Variants in HERC2 observed in about 807,000 individuals in gnomAD.
The protein encoded by HERC2 is E3 ubiquitin-protein ligase HERC2.
In HERC2, 102 loss-of-function variants were observed where a neutral mutation model predicts 537.7. The observed-to-expected ratio is 0.19, with a 90% confidence interval of 0.16 to 0.22. The LOEUF (loss-of-function observed/expected upper bound fraction) is 0.22, where lower values mean the gene tolerates loss of function less well. Ranked by LOEUF, HERC2 falls within the 10% of genes least tolerant of loss-of-function variation. The probability of loss-of-function intolerance (pLI) is 1.00; values close to 1 mark genes in which losing one functional copy is unlikely to be tolerated. For synonymous variants in HERC2, 2,224 were observed against 2,466.2 expected, an observed-to-expected ratio of 0.90 and a Z score of 2.91; for missense variants, 4,236 against 6,198.2, an observed-to-expected ratio of 0.68 and a Z score of 10.63.
In HERC2 at chr15:28,238,106, A is replaced by G. The variant is rs372267451; in HGVS notation, c.3852+8T>C. The G allele has an allele frequency of 3.0e-5, 48 of 1,590,204 alleles. No individual in the cohort carries two copies. Among genetic ancestry groups the G allele is most frequent in the Non-Finnish European group, 3.4e-5 (40 of 1,160,084 alleles). On this transcript the variant is annotated splice_region_variant and intron_variant, in intron 25 of 92. Transcript: ENST00000261609. The stretch of plus-strand genomic sequence containing the variant: ...ATCCTCTGCATCACTCAAGGCATAC[A>G]GCCTCACCTCCAAATACTGGCCAAC...
At chr15:28,243,217 A>T (rs1166873748) in intron 23 of HERC2, among the ~76,000 whole-genome samples, 1 of 152,214 alleles carries the variant, frequency 6.6e-6, no homozygotes, top group Non-Finnish European at 1.5e-5. Context: ...CCATGGAAAA[A>T]AAGTGACATG....
chr15:28,230,282 A>G (rs1247662367), intron 31 of HERC2, 85 bp downstream of exon 31: 1 of 1,379,238 alleles, frequency 7.3e-7, no homozygotes, highest in Non-Finnish European at 1.0e-6. Flanking sequence ...CCCTCCCTCC[A>G]GATGCTCAGG....
intron 64 of HERC2, 108 bp from the exon 65 acceptor site, chr15:28,174,728 G>T: frequency 3.3e-6 from 3 of 910,158 alleles, no homozygotes; most frequent in Non-Finnish European, 5.0e-6. Flanking sequence ...GTAGTTGAAA[G>T]AATTGAGTTC....
intron 79 of HERC2, among the ~76,000 whole-genome samples, chr15:28,134,101 C>T (rs897607110): frequency 1.1e-4 from 16 of 152,198 alleles, no homozygotes; most frequent in African/African-American, 3.4e-4. Context: ...GCTCCATGAA[C>T]ACAGCATGCC....
rs1269824943 is a variant in HERC2, at chr15:28,268,659, G to A, written c.1447-43C>T. The A allele has an allele frequency of 6.4e-7, 1 of 1,561,124 alleles. No homozygotes were observed. The highest frequency in any genetic ancestry group is 1.8e-5 in the Admixed American group (1 of 54,498). Reference sequence around the variant, plus strand: ...CGAAGAAAAGTAGTCATCAGTCCAAGGAAAATGAAACCAGCTCAGCTCTCC... The same window carrying A: ...CGAAGAAAAGTAGTCATCAGTCCAAAGAAAATGAAACCAGCTCAGCTCTCC... On this transcript the variant is annotated intron_variant, in intron 11 of 92. Coordinates refer to ENST00000261609, the MANE Select transcript of HERC2 (RefSeq NM_004667.6). The surrounding 1 kb of genome is among the most constrained non-coding windows in gnomAD (Gnocchi z 4.7).
chr15:28,291,284 G>A (rs769732985), intron 4 of HERC2, among the ~76,000 whole-genome samples: 1 of 152,046 alleles, frequency 6.6e-6, no homozygotes, highest in Non-Finnish European at 1.5e-5. Context: ...GAGTGTAGAG[G>A]CACAATCATA....
At chr15:28,245,525 C>A (rs1386394906) in intron 23 of HERC2, among the ~76,000 whole-genome samples, 1 of 141,938 alleles carries the variant, frequency 7.0e-6, no homozygotes, top group Non-Finnish European at 1.5e-5. Context: ...CCAGCCTGGG[C>A]AACAGAGCAA....
At chr15:28,290,819 A>G (rs564781905) in intron 4 of HERC2, among the ~76,000 whole-genome samples, 1 of 152,332 alleles carries the variant, frequency 6.6e-6, no homozygotes, top group African/African-American at 2.4e-5. Context: ...AACAATGCTT[A>G]GAGGGAAATT....
chr15:28,191,848 C>T (rs558268245), intron 53 of HERC2, 113 bp downstream of exon 53: 2 of 768,818 alleles, frequency 2.6e-6, no homozygotes, highest in African/African-American at 1.7e-5. Flanking sequence ...AACGTGAGTA[C>T]TGACAGGTGC....
At chr15:28,168,275 T>C in intron 67 of HERC2, 132 bp downstream of exon 67, 1 of 831,930 alleles carries the variant, frequency 1.2e-6, no homozygotes, top group South Asian at 1.8e-5. Flanking sequence ...AGAATATTCT[T>C]CTAAGTAAAG....
chr15:28,207,802 T>C (rs942545999), intron 44 of HERC2, among the ~76,000 whole-genome samples: 2 of 151,876 alleles, frequency 1.3e-5, no homozygotes, highest in Non-Finnish European at 2.9e-5. Flanking sequence ...AGAGAGTAAA[T>C]AGTTTAGGCT....
intron 79 of HERC2, among the ~76,000 whole-genome samples, chr15:28,134,703 C>CTTTTT (rs71132835): frequency 8.7e-6 from 1 of 114,812 alleles, no homozygotes; most frequent in African/African-American, 2.9e-5. Context: ...ATTTTTTCCT[C>CTTTTT]TTTTTTTTTT....
Position 28,265,962 on chromosome 15 carries a change from C to A in HERC2, c.1611G>T (p.Glu537Asp). 6.2e-7 allele frequency: 1 copy of A among 1,614,148 alleles called. No individual in the cohort carries two copies. Among genetic ancestry groups the A allele is most frequent in the South Asian group, 1.1e-5 (1 of 91,086 alleles). The part of the protein sequence containing the change: ...LGHGDTVPLE[E>D]PKVISAFSGK... Reference sequence around the variant, plus strand: ...CAGAGAAGGCGGAGATCACCTTAGGCTCCTCCAAAGGCCTTGGGGAGAAAG... The same window carrying A: ...CAGAGAAGGCGGAGATCACCTTAGGATCCTCCAAAGGCCTTGGGGAGAAAG... The change falls in exon 13 of 93, where the codon GAG becomes GAT. Residue 537 changes from glutamate (E) to aspartate (D), a missense_variant. This residue lies in a region of HERC2 where 754 missense variants were observed against 1,085.0 expected (regional missense o/e 0.69). Transcript: ENST00000261609. This position sits in a 1 kb window ranked among gnomAD's most constrained non-coding sequence, Gnocchi z 4.0.
chr15:28,274,599 T>A (rs2075822439), intron 6 of HERC2, 152 bp from the exon 7 acceptor site: 1 of 780,550 alleles, frequency 1.3e-6, no homozygotes, highest in Non-Finnish European at 2.0e-6. Flanking sequence ...GTCAATTCTG[T>A]GTTTCACGGC....
At chr15:28,228,123 A>G (rs1364607190) in intron 35 of HERC2, 95 bp downstream of exon 35, 1 of 1,124,100 alleles carries the variant, frequency 8.9e-7, no homozygotes, top group Non-Finnish European at 1.3e-6. Context: ...AATTTACAAA[A>G]AGCTTTAAAA....
Position 28,111,648 on chromosome 15 carries a change from C to T in HERC2, c.*115G>A, listed in dbSNP as rs1191286705. 8.7e-7 allele frequency: 1 copy of T among 1,146,568 alleles called. No homozygotes were observed. The highest frequency in any genetic ancestry group is 1.5e-5 in the African/African-American group (1 of 64,648). 71.0% of individuals were successfully genotyped at this position (1,146,568 alleles called of 1,614,324 possible). ...CAGTCTCTCCACTCCCTCCTCCCGC[C>T]TGGCTCGAGGACGGACGCTTCTCAT... On this transcript the variant is annotated 3_prime_UTR_variant, in exon 93 of 93. Transcript: ENST00000261609.
intron 2 of HERC2, among the ~76,000 whole-genome samples, chr15:28,305,299 C>T (rs1303140710): frequency 2.0e-5 from 3 of 152,096 alleles, no homozygotes; most frequent in African/African-American, 7.2e-5. Flanking sequence ...ACACTGACTT[C>T]CACAATGGTT....
At chr15:28,187,015 G>A (rs964189276) in intron 55 of HERC2, among the ~76,000 whole-genome samples, 4 of 152,288 alleles carry the variant, frequency 2.6e-5, no homozygotes, top group African/African-American at 9.6e-5. Context: ...TTTTTAAATA[G>A]GATAACAGCC....
intron 78 of HERC2, among the ~76,000 whole-genome samples, chr15:28,139,457 T>G (rs1009175381): frequency 1.3e-5 from 2 of 152,168 alleles, no homozygotes; most frequent in Non-Finnish European, 2.9e-5. Flanking sequence ...CAGCCCAAAG[T>G]TCCATGAGGG....
Sources: gnomAD v4.1 joint callset for allele counts (sites outside exome capture counted in the v4.1 genomes callset) on GRCh38, gnomAD v4.1.1 for gene constraint, gnomAD v4.1.1 regional missense constraint, Gnocchi (gnomAD v3.1) non-coding constraint, MANE v1.5 for transcripts, NCBI Gene and HGNC (gene_info 2026-07-23, HGNC 2026-07-21) for gene names.